The following PRMT3 variants were observed in gnomAD, a reference collection of about 807,000 sequenced individuals.
The protein encoded by PRMT3 is protein arginine N-methyltransferase 3.
PRMT3 carries 62 observed loss-of-function variants against 71.9 expected under a neutral mutation model. The ratio of observed to expected loss-of-function variants is 0.86; its 90% CI spans 0.70 to 1.07. The LOEUF is 1.07. Ranked by LOEUF, PRMT3 falls within the 50% of genes least tolerant of loss-of-function variation. The pLI is 0.00. For synonymous variants in PRMT3, 213 were observed against 220.4 expected (o/e 0.97, Z 0.30); for missense variants, 663 against 643.0 (o/e 1.03, Z -0.34).
chr11:20,490,101 C>T (rs1473705154), intron 13 of PRMT3, among the ~76,000 whole-genome samples: 3 of 150,672 alleles, frequency 2.0e-5, no homozygotes, highest in African/African-American at 4.9e-5. Context: ...CTCAACTGTA[C>T]GAATGCTGTC....
chr11:20,487,185 C>T (rs1235364293), intron 13 of PRMT3, among the ~76,000 whole-genome samples: 1 of 152,046 alleles, frequency 6.6e-6, no homozygotes, highest in Non-Finnish European at 1.5e-5. Context: ...TTCAGGCAAA[C>T]AGCAAATGAT....
At chr11:20,415,438 G>T (rs1392555855) in intron 9 of PRMT3, among the ~76,000 whole-genome samples, 1 of 152,114 alleles carries the variant, frequency 6.6e-6, no homozygotes, top group Non-Finnish European at 1.5e-5. Context: ...TGTACTCACA[G>T]CTAGGATTAC....
intron 9 of PRMT3, among the ~76,000 whole-genome samples, chr11:20,411,280 A>G (rs1228683317): frequency 6.6e-6 from 1 of 152,094 alleles, no homozygotes; most frequent in African/African-American, 2.4e-5. Context: ...ACTTGTCTTC[A>G]GTCTTTTCTG....
chr11:20,466,373 C>T (rs1044026220), intron 13 of PRMT3, among the ~76,000 whole-genome samples: 2 of 152,116 alleles, frequency 1.3e-5, no homozygotes, highest in African/African-American at 4.8e-5. Context: ...ACCTTAATTC[C>T]CCTAGCCCAC....
chr11:20,416,252 A>T (rs1417708526), intron 9 of PRMT3, among the ~76,000 whole-genome samples: 1 of 152,146 alleles, frequency 6.6e-6, no homozygotes, highest in African/African-American at 2.4e-5. Flanking sequence ...AAGAGGAAGA[A>T]GGGGTGGGGG....
At chr11:20,489,401 C>G (rs1007262919) in intron 13 of PRMT3, among the ~76,000 whole-genome samples, 2 of 152,146 alleles carry the variant, frequency 1.3e-5, no homozygotes, top group Non-Finnish European at 2.9e-5. Flanking sequence ...CTTCAGACCT[C>G]TCTGATCTTT....
intron 13 of PRMT3, among the ~76,000 whole-genome samples, chr11:20,493,113 C>T (rs1213903603): frequency 6.9e-6 from 1 of 145,272 alleles, no homozygotes; most frequent in Non-Finnish European, 1.5e-5. Context: ...CTCTGGGCAA[C>T]AGAGCAAGAC....
intron 10 of PRMT3, among the ~76,000 whole-genome samples, chr11:20,441,717 G>A (rs975169855): frequency 6.7e-6 from 1 of 150,116 alleles, no homozygotes; most frequent in Non-Finnish European, 1.5e-5. Flanking sequence ...GTCTCTTTAC[G>A]TCTGTGCAGA....
intron 9 of PRMT3, among the ~76,000 whole-genome samples, chr11:20,416,385 A>G (rs913613033): frequency 1.3e-5 from 2 of 152,192 alleles, no homozygotes; most frequent in Non-Finnish European, 2.9e-5. Flanking sequence ...GGTCACAGAG[A>G]TGAAATTCAT....
intron 8 of PRMT3, among the ~76,000 whole-genome samples, chr11:20,403,661 T>C (rs1008132604): frequency 6.6e-6 from 1 of 152,110 alleles, no homozygotes; most frequent in Non-Finnish European, 1.5e-5. Context: ...GCATGGTTAC[T>C]TAAAAGTTCA....
intron 9 of PRMT3, among the ~76,000 whole-genome samples, chr11:20,415,622 G>A (rs1342753135): frequency 6.6e-6 from 1 of 151,570 alleles, no homozygotes; most frequent in African/African-American, 2.4e-5. Flanking sequence ...AGGGAAATTT[G>A]CATGAGTCTT....
At chr11:20,412,394 T>TG (rs1375536779) in intron 9 of PRMT3, among the ~76,000 whole-genome samples, 1 of 14,964 alleles carries the variant, frequency 6.7e-5, no homozygotes, top group Non-Finnish European at 2.7e-4. Context: ...CTATGTAGTC[T>TG]GAACCCCCCC....
At chr11:20,495,457 A>G (rs1590110772) in intron 15 of PRMT3, among the ~76,000 whole-genome samples, 1 of 152,190 alleles carries the variant, frequency 6.6e-6, no homozygotes, top group Admixed American at 6.5e-5. Context: ...GTCTGCAGGG[A>G]GCTATGATGA....
chr11:20,396,860 T>C (rs920060317), intron 6 of PRMT3, among the ~76,000 whole-genome samples: 1 of 152,200 alleles, frequency 6.6e-6, no homozygotes, highest in African/African-American at 2.4e-5. Flanking sequence ...TTCTGACAAG[T>C]ATACCTCACA....
chr11:20,405,881 T>A (rs756560081), intron 8 of PRMT3: 3 of 152,184 alleles, frequency 2.0e-5, no homozygotes, highest in Non-Finnish European at 2.9e-5. Context: ...ACATTTATAA[T>A]GTCATGCAGC....
At position 20,387,768 on chromosome 11, in the gene PRMT3, G is replaced by A. The variant is rs1165564253; in HGVS notation, c.22G>A (p.Ala8Thr). The change falls in exon 1 of 16, where the codon GCT becomes ACT. Residue 8 changes from alanine to threonine, a missense_variant. Coordinates refer to ENST00000331079, the MANE Select transcript of PRMT3 (RefSeq NM_005788.4). The surrounding 1 kb of genome is among the most constrained non-coding windows in gnomAD (Gnocchi z 4.3). ...AGCCATGTGCTCGTTAGCGTCAGGC[G>A]CTACCGGTGGGTACCCTGGCCCCTC... MCSLASG[A>T]TGGRGAVENE... 12 of 1,541,846 alleles carry A rather than the reference G, an allele frequency of 7.8e-6. No individual in the cohort carries two copies. In the Admixed American group the frequency reaches 9.8e-5, roughly 13 times the overall value.
intron 12 of PRMT3, 40 bp downstream of exon 12, chr11:20,462,207 C>A: frequency 6.9e-7 from 1 of 1,441,568 alleles, no homozygotes; most frequent in Non-Finnish European, 9.5e-7. Flanking sequence ...AATGGTATTG[C>A]TATTTTTCTT....
intron 2 of PRMT3, 103 bp from the exon 3 acceptor site, chr11:20,389,641 A>G: frequency 1.5e-6 from 1 of 663,312 alleles, no homozygotes; most frequent in Non-Finnish European, 2.4e-6. Flanking sequence ...TAAAACTAGA[A>G]ACCAGCAGAG....
intron 9 of PRMT3, among the ~76,000 whole-genome samples, chr11:20,415,237 ACT>A (rs1849279499): frequency 6.6e-6 from 1 of 152,004 alleles, no homozygotes; most frequent in African/African-American, 2.4e-5. Context: ...AAGCCATAAA[ACT>A]CTGGTGAACG....
Sources: allele counts gnomAD v4.1 joint callset (sites outside exome capture counted in the v4.1 genomes callset), GRCh38; gene constraint gnomAD v4.1.1; non-coding constraint Gnocchi (gnomAD v3.1); transcripts MANE v1.5; gene names NCBI Gene and HGNC (gene_info 2026-07-23, HGNC 2026-07-21).